The following SLC16A7 variants were observed in gnomAD, a reference collection of about 807,000 sequenced individuals.
The protein encoded by SLC16A7 is solute carrier family 16 member 7, also known as monocarboxylate transporter 2.
A neutral mutation model predicts 34.9 loss-of-function variants in SLC16A7; 33 were observed. The observed-to-expected ratio is 0.94, with a 90% CI of 0.72 to 1.26. The LOEUF (loss-of-function observed/expected upper bound fraction) is 1.26. Among genes scored for constraint, SLC16A7 ranks in the 50% most tolerant of loss-of-function variants. The pLI is 0.00. For missense variants in SLC16A7, 573 were observed against 578.1 expected (o/e 0.99, Z 0.09); for synonymous variants, 201 against 206.6 (o/e 0.97, Z 0.23).
Position 59,604,752 on chromosome 12 carries a change from T to C in SLC16A7, c.-130+8516T>C, listed in dbSNP as rs1025005833. The stretch of plus-strand genomic sequence containing the variant: ...GTCATTGGAAGGGTCTGGATTTTAA[T>C]CTGTTGAACAAAATGTACCTTTTCA... On this transcript the variant is annotated intron_variant, in intron 1 of 5. Transcript: ENST00000547379. Among the ~76,000 whole-genome samples, 2 of 152,242 alleles carry C rather than the reference T, an allele frequency of 1.3e-5. 1 individual carries two copies. Among genetic ancestry groups the C allele is most frequent in the Admixed American group, 1.3e-4 (2 of 15,288 alleles).
chr12:59,752,667 T>C (rs1258123710), intron 3 of SLC16A7, among the ~76,000 whole-genome samples: 5 of 152,140 alleles, frequency 3.3e-5, no homozygotes, highest in Non-Finnish European at 7.4e-5. Context: ...TGGAACCAAG[T>C]TGGAAAACAC....
At chr12:59,731,443 C>G (rs1876939505) in intron 3 of SLC16A7, among the ~76,000 whole-genome samples, 1 of 152,162 alleles carries the variant, frequency 6.6e-6, no homozygotes, top group Non-Finnish European at 1.5e-5. Context: ...CCTAGGAAAG[C>G]AAGCCTGGTA....
At chr12:59,647,885 C>CAA in intron 1 of SLC16A7, among the ~76,000 whole-genome samples, 1 of 146,238 alleles carries the variant, frequency 6.8e-6, no homozygotes, top group African/African-American at 2.5e-5. Flanking sequence ...ATGGTCACTA[C>CAA]AAAAAAAAAA....
chr12:59,627,671 C>G (rs892284189), intron 1 of SLC16A7, among the ~76,000 whole-genome samples: 5 of 151,670 alleles, frequency 3.3e-5, no homozygotes, highest in Admixed American at 3.3e-4. Context: ...TCTCCTTTGT[C>G]TCCTTCACAG....
chr12:59,671,995 G>A (rs1374430328), intron 2 of SLC16A7, among the ~76,000 whole-genome samples: 2 of 6,094 alleles, frequency 3.3e-4, no homozygotes, highest in African/African-American at 2.1e-3. Context: ...ATATATATGT[G>A]TATATATCCA....
At chr12:59,606,533 G>A (rs17122685) in intron 1 of SLC16A7, among the ~76,000 whole-genome samples, 7,165 of 152,118 alleles carry the variant, frequency 0.047, 205 homozygotes, top group Middle Eastern at 0.11. Flanking sequence ...TCCTCATATT[G>A]TCATGTAAGA....
chr12:59,634,549 G>A (rs914654640), intron 1 of SLC16A7, among the ~76,000 whole-genome samples: 1 of 151,892 alleles, frequency 6.6e-6, no homozygotes, highest in Non-Finnish European at 1.5e-5. Flanking sequence ...CAACCTTAAC[G>A]AGATTCTTAC....
chr12:59,730,212 G>GA lies in SLC16A7; in HGVS notation c.217+25206dup, dbSNP rs3084988. Reference sequence around the variant, plus strand: ...GTTCTTTAGGATTCCCAATACAAAAGAAAAAAAAAAAACACTTCTGACTCA... The same window carrying GA: ...GTTCTTTAGGATTCCCAATACAAAAGAAAAAAAAAAAAACACTTCTGACTCA... On this transcript the variant is annotated intron_variant, in intron 3 of 5. Coordinates refer to ENST00000547379, the MANE Select transcript of SLC16A7 (RefSeq NM_001270623.2). 7.5e-3 allele frequency among the ~76,000 whole-genome samples: 1,090 copies of GA among 146,264 alleles called. 4 individuals carry two copies. Among genetic ancestry groups the GA allele is most frequent in the Non-Finnish European group, 9.4e-3 (621 of 65,908 alleles).
chr12:59,692,385 C>A (rs753443551), intron 2 of SLC16A7, among the ~76,000 whole-genome samples: 3 of 151,972 alleles, frequency 2.0e-5, no homozygotes, highest in Non-Finnish European at 2.9e-5. Context: ...CTGGCATTCA[C>A]CCTATTATAA....
At chr12:59,769,006 C>T (rs555007550) in intron 3 of SLC16A7, 1 of 152,122 alleles carries the variant, frequency 6.6e-6, no homozygotes, top group Non-Finnish European at 1.5e-5. Flanking sequence ...TCAACAACAA[C>T]AACAAAAGAT....
intron 5 of SLC16A7, among the ~76,000 whole-genome samples, chr12:59,775,768 A>G (rs1882700169): frequency 6.6e-6 from 1 of 152,120 alleles, no homozygotes; most frequent in Non-Finnish European, 1.5e-5. Context: ...GTCTCTTAAA[A>G]ATATATCAGA....
intron 2 of SLC16A7, among the ~76,000 whole-genome samples, chr12:59,680,727 T>G (rs1382320057): frequency 6.6e-6 from 1 of 152,118 alleles, no homozygotes; most frequent in Non-Finnish European, 1.5e-5. Context: ...GTAGCCACTG[T>G]GCTTGACAAA....
chr12:59,762,532 A>C (rs1881127436), intron 3 of SLC16A7, among the ~76,000 whole-genome samples: 1 of 152,154 alleles, frequency 6.6e-6, no homozygotes, highest in South Asian at 2.1e-4. Flanking sequence ...TCAATGTAAA[A>C]CAATCATTCC....
chr12:59,612,340 C>T (rs1879236781), intron 1 of SLC16A7, among the ~76,000 whole-genome samples: 1 of 152,180 alleles, frequency 6.6e-6, no homozygotes, highest in African/African-American at 2.4e-5. Flanking sequence ...AACTTGACCC[C>T]TTTTAGCGAT....
At chr12:59,742,565 G>C (rs1475629485) in intron 3 of SLC16A7, among the ~76,000 whole-genome samples, 1 of 152,168 alleles carries the variant, frequency 6.6e-6, no homozygotes, top group Non-Finnish European at 1.5e-5. Flanking sequence ...AGTTTAAAGA[G>C]AAATTAAAGG....
intron 1 of SLC16A7, among the ~76,000 whole-genome samples, chr12:59,606,779 G>A (rs1471041253): frequency 1.3e-5 from 2 of 152,082 alleles, no homozygotes; most frequent in African/African-American, 4.8e-5. Flanking sequence ...CATCTTTTCT[G>A]TCTGTCATCC....
At chr12:59,738,065 A>C (rs1473957788) in intron 3 of SLC16A7, among the ~76,000 whole-genome samples, 1 of 152,214 alleles carries the variant, frequency 6.6e-6, no homozygotes, top group Non-Finnish European at 1.5e-5. Context: ...TAGGCTATGC[A>C]TTCTCATGGT....
intron 1 of SLC16A7, among the ~76,000 whole-genome samples, chr12:59,632,359 G>T (rs1421883081): frequency 6.6e-6 from 1 of 151,916 alleles, no homozygotes; most frequent in African/African-American, 2.4e-5. Context: ...TTTAAAACTT[G>T]TCTGTGTTTC....
intron 3 of SLC16A7, among the ~76,000 whole-genome samples, chr12:59,759,168 G>C (rs1345004556): frequency 6.6e-6 from 1 of 151,976 alleles, no homozygotes; most frequent in African/African-American, 2.4e-5. Context: ...ATGAAAGTAA[G>C]CATATATTTT....
Sources: allele counts gnomAD v4.1 joint callset (sites outside exome capture counted in the v4.1 genomes callset), GRCh38; gene constraint gnomAD v4.1.1; transcripts MANE v1.5; gene names NCBI Gene and HGNC (gene_info 2026-07-23, HGNC 2026-07-21).